POLD1: variants seen among roughly 807,000 people sequenced by gnomAD.
POLD1 encodes the protein DNA polymerase delta catalytic subunit.
POLD1 carries 79 observed loss-of-function variants against 129.7 expected under a neutral mutation model. That is an observed-to-expected ratio of 0.61 (90% CI 0.51 to 0.73). POLD1 has a LOEUF of 0.73. Ranked by LOEUF, POLD1 falls within the 30% of genes least tolerant of loss-of-function variation. The probability of loss-of-function intolerance (pLI) is 0.00; values close to 1 mark genes in which losing one functional copy is unlikely to be tolerated. For missense variants in POLD1, 1,338 were observed against 1,595.8 expected (o/e 0.84, Z 2.75); for synonymous variants, 714 against 683.3 (o/e 1.04, Z -0.70).
intron 1 of POLD1, chr19:50,395,043 A>G (rs1374759767): frequency 2.8e-5 from 4 of 145,314 alleles, no homozygotes; most frequent in Admixed American, 1.4e-4. Context: ...GGGTTTCACC[A>G]TGTTGATAAG....
chr19:50,401,801 G>A lies in POLD1; in HGVS notation c.340G>A (p.Gly114Arg). Residue 114 changes from glycine to arginine, a missense_variant, in exon 4 of 27, where the codon GGG becomes AGG. Gly to Arg is a moderately radical substitution (Grantham distance 125). Transcript: ENST00000440232. ...YVGPAQPVPG[G>R]PPPSRGSVPV... Reference sequence around the variant, plus strand: ...AGGCCCAGCGCAGCCTGTGCCTGGGGGGCCCCCACCATCCCGCGGCTCCGT... The same window carrying A: ...AGGCCCAGCGCAGCCTGTGCCTGGGAGGCCCCCACCATCCCGCGGCTCCGT... 6.2e-7 allele frequency: 1 copy of A among 1,613,140 alleles called. No individual in the cohort carries two copies. Among genetic ancestry groups the A allele is most frequent in the Non-Finnish European group, 8.5e-7 (1 of 1,179,866 alleles).
intron 1 of POLD1, among the ~76,000 whole-genome samples, chr19:50,390,484 T>C (rs1470111987): frequency 1.3e-5 from 2 of 152,158 alleles, no homozygotes; most frequent in Non-Finnish European, 2.9e-5. Flanking sequence ...TAGGAGGGAC[T>C]GGAACAGAGC....
intron 19 of POLD1, 36 bp from the exon 20 acceptor site, chr19:50,414,779 C>T: frequency 6.8e-7 from 1 of 1,465,098 alleles, no homozygotes; most frequent in Non-Finnish European, 9.1e-7. Flanking sequence ...GCTTGGCCTC[C>T]TCAGGCTCAG....
At position 50,417,108 on chromosome 19, in the gene POLD1, C is replaced by T. The variant is rs369535710; in HGVS notation, c.3120+11C>T. 56 of 1,563,416 alleles carry T rather than the reference C, an allele frequency of 3.6e-5. No homozygotes were observed. The highest frequency in any genetic ancestry group is 2.0e-4 in the African/African-American group (15 of 73,704). ...CTGTATCAGAAGGAGGTGAGAGGGC[C>T]GGGAGGTGAGGAGGGGCCAGGTGGG... On this transcript the variant is annotated intron_variant, in intron 25 of 26. Transcript: ENST00000440232.
chr19:50,417,757 A>G (rs1042479465), intron 26 of POLD1, 85 bp from the exon 27 acceptor site: 94 of 675,254 alleles, frequency 1.4e-4, no homozygotes, highest in South Asian at 1.3e-3. Context: ...CGGGGACCAA[A>G]GTCCTGGGAA....
chr19:50,398,485 G>A (rs975523038), intron 1 of POLD1, among the ~76,000 whole-genome samples: 5 of 142,474 alleles, frequency 3.5e-5, no homozygotes, highest in African/African-American at 1.3e-4. Flanking sequence ...GGGGAGAATC[G>A]CTTGAACCTG....
At chr19:50,398,512 G>A (rs1416264887) in intron 1 of POLD1, among the ~76,000 whole-genome samples, 1 of 141,992 alleles carries the variant, frequency 7.0e-6, no homozygotes, top group African/African-American at 2.6e-5. Context: ...AGAGCTTGCA[G>A]TGAGCCGAGA....
rs937620930 is a variant in POLD1, at chr19:50,409,303, A to G, written c.2006+68A>G. The G allele has an allele frequency of 2.4e-5, 31 of 1,275,020 alleles. No homozygotes were observed. Among genetic ancestry groups the G allele is most frequent in the Non-Finnish European group, 3.2e-5 (28 of 879,782 alleles). The allele number at this position is 1,275,020 out of a possible 1,614,324, so 79.0% of individuals were successfully genotyped here. ...GGCCTCTGGGCAATCCCTGTCCCTC[A>G]CTGGGACACCCCAGGGCTGCCCAGC... On this transcript the variant is annotated intron_variant, in intron 16 of 26. Coordinates refer to ENST00000440232, the MANE Select transcript of POLD1 (RefSeq NM_002691.4). The surrounding 1 kb of genome is among the most constrained non-coding windows in gnomAD (Gnocchi z 5.8).
Position 50,417,162 on chromosome 19 carries a change from C to T in POLD1, c.3121-10C>T, listed in dbSNP as rs1555793629. ...GCGGGGGCGCCCTGCTCAGCCGCTG[C>T]CGTCCCCAGGTATCCCATCTGAATG... On this transcript the variant is annotated splice_polypyrimidine_tract_variant and intron_variant, in intron 25 of 26. Coordinates refer to ENST00000440232, the MANE Select transcript of POLD1 (RefSeq NM_002691.4). 1.3e-6 allele frequency: 2 copies of T among 1,592,986 alleles called. No individual in the cohort carries two copies. The highest frequency in any genetic ancestry group is 1.7e-6 in the Non-Finnish European group (2 of 1,170,186).
At chr19:50,391,696 G>A (rs183559656) in intron 1 of POLD1, among the ~76,000 whole-genome samples, 2,812 of 144,266 alleles carry the variant, frequency 0.019, 123 homozygotes, top group African/African-American at 0.075. Flanking sequence ...GAGGGGGGAG[G>A]GGGAGGGGGA....
At position 50,415,105 on chromosome 19, in the gene POLD1, C is replaced by A. The variant is rs1234801297; in HGVS notation, c.2564+115C>A. On this transcript the variant is annotated intron_variant, in intron 20 of 26. Transcript: ENST00000440232. ...CCCTCAGACCCACGGGTCCAGGCCCCCAGCCCCCTCCTCCTCAGATCCCGG... is the reference window on the plus strand; with the variant it reads ...CCCTCAGACCCACGGGTCCAGGCCCACAGCCCCCTCCTCCTCAGATCCCGG... The A allele has an allele frequency of 5.1e-6, 5 of 982,132 alleles. No homozygotes were observed. The African/African-American group carries it at 8.3e-5, about 16-fold the overall frequency. The allele number at this position is 982,132 out of a possible 1,614,324, so 60.8% of individuals were successfully genotyped here.
chr19:50,389,835 C>T (rs186152541), intron 1 of POLD1, among the ~76,000 whole-genome samples: 437 of 151,900 alleles, frequency 2.9e-3, no homozygotes, highest in African/African-American at 1.0e-2. Context: ...ATCCGCCCGC[C>T]TTGGGCTCCC....
rs752444746 is a variant in POLD1, at chr19:50,406,230, A to G, written c.1291A>G (p.Ile431Val). The change falls in exon 11 of 27, where the codon ATC (isoleucine) becomes GTC (valine). Residue 431 changes from isoleucine (I) to valine (V), a missense_variant. Ile to Val is a conservative substitution (Grantham distance 29). Transcript: ENST00000440232. This position sits in a 1 kb window ranked among gnomAD's most constrained non-coding sequence, Gnocchi z 5.5. Reference sequence around the variant, plus strand: ...CCGTGTGGCCGGCCTTTGCTCCAACATCCGGGACTCTTCATTCCAGTCCAA... The same window carrying G: ...CCGTGTGGCCGGCCTTTGCTCCAACGTCCGGGACTCTTCATTCCAGTCCAA... ...LGRVAGLCSN[I>V]RDSSFQSKQT... The G allele has an allele frequency of 1.1e-5, 17 of 1,613,726 alleles. No individual in the cohort carries two copies. The Admixed American group carries it at 2.8e-4, about 27-fold the overall frequency.
At chr19:50,403,030 C>G (rs2122267015) in intron 8 of POLD1, 23 bp from the exon 9 acceptor site, 1 of 1,551,584 alleles carries the variant, frequency 6.4e-7, no homozygotes, top group Non-Finnish European at 8.7e-7. Flanking sequence ...GGAGTCAGGC[C>G]CCTGCATCCT....
At chr19:50,394,388 A>C (rs939045069) in intron 1 of POLD1, among the ~76,000 whole-genome samples, 1 of 152,138 alleles carries the variant, frequency 6.6e-6, no homozygotes, top group Non-Finnish European at 1.5e-5. Context: ...GCGGTGGCTC[A>C]CACCCATAAT....
At position 50,398,934 on chromosome 19, in the gene POLD1, C is replaced by G. The variant is rs765097158; in HGVS notation, c.83C>G (p.Ala28Gly). The G allele has an allele frequency of 6.3e-7, 1 of 1,594,382 alleles. No homozygotes were observed. The highest frequency in any genetic ancestry group is 8.5e-7 in the Non-Finnish European group (1 of 1,171,702). ...ARGGLWDDDDAPRPSQFEEDL... is the reference protein window; with the variant it reads ...ARGGLWDDDDGPRPSQFEEDL... The stretch of plus-strand genomic sequence containing the variant: ...GGGGGCCTCTGGGATGATGATGATG[C>G]ACCTCGGCCATCCCAATTCGAGGAG... Residue 28 changes from alanine to glycine, a missense_variant, in exon 2 of 27, where the codon GCA (alanine) becomes GGA (glycine). Around this residue, in one of 3 missense-constraint regions of POLD1, gnomAD observed 332 missense variants for 315.7 expected, o/e 1.05. Transcript: ENST00000440232.
chr19:50,413,784 G>T lies in POLD1; in HGVS notation c.2293G>T (p.Val765Leu). 2 of 1,611,860 alleles carry T rather than the reference G, an allele frequency of 1.2e-6. No individual in the cohort carries two copies. Among genetic ancestry groups the T allele is most frequent in the Non-Finnish European group, 8.5e-7 (1 of 1,179,604 alleles). ...TGACTCCGTCATGTGCCGATTCGGCGTGTCCTCGGTGGCTGAGGCGATGGC... is the reference window on the plus strand; with the variant it reads ...TGACTCCGTCATGTGCCGATTCGGCTTGTCCTCGGTGGCTGAGGCGATGGC... Reference protein sequence around the residue: ...DTDSVMCRFGVSSVAEAMALG... With the variant: ...DTDSVMCRFGLSSVAEAMALG... The change falls in exon 19 of 27, where the codon GTG becomes TTG. Residue 765 changes from valine (V) to leucine (L), a missense_variant. Val to Leu is a conservative substitution (Grantham distance 32). Around this residue, in one of 3 missense-constraint regions of POLD1, gnomAD observed 720 missense variants for 1,002.6 expected, o/e 0.72. Transcript: ENST00000440232.
rs2122312622 is a variant in POLD1 at position 50,406,094 on chromosome 19, G to A, written c.1243-88G>A. On this transcript the variant is annotated intron_variant, in intron 10 of 26. Transcript: ENST00000440232. This position sits in a 1 kb window ranked among gnomAD's most constrained non-coding sequence, Gnocchi z 5.5. The stretch of plus-strand genomic sequence containing the variant: ...TCTCGACCCCCTAGGGTTGTTATAA[G>A]GATGTTGTGGTTGGTCTCAATCTCC... 1 of 1,500,654 alleles carries A rather than the reference G, an allele frequency of 6.7e-7. No homozygotes were observed. The highest frequency in any genetic ancestry group is 1.2e-5 in the South Asian group (1 of 81,264). The allele number at this position is 1,500,654 out of a possible 1,614,324, so 93.0% of individuals were successfully genotyped here.
rs147798238 is a variant in POLD1 at position 50,405,466 on chromosome 19, C to T, written c.1243-716C>T. 9.4e-3 allele frequency among the ~76,000 whole-genome samples: 1,427 copies of T among 152,252 alleles called. 15 individuals are homozygous for T. The highest frequency in any genetic ancestry group is 0.032 in the African/African-American group (1,327 of 41,530). ...AAAACAGGCTGGGTGTGGTGGCTCA[C>T]GCCTCTAATCCCAGCACTTTGGGAG... is the stretch of plus-strand genomic sequence containing the variant. On this transcript the variant is annotated intron_variant, in intron 10 of 26. Coordinates refer to ENST00000440232, the MANE Select transcript of POLD1 (RefSeq NM_002691.4).
Sources: allele counts gnomAD v4.1 joint callset (sites outside exome capture counted in the v4.1 genomes callset), GRCh38; gene constraint gnomAD v4.1.1; regional missense constraint gnomAD v4.1.1; non-coding constraint Gnocchi (gnomAD v3.1); transcripts MANE v1.5; gene names NCBI Gene and HGNC (gene_info 2026-07-23, HGNC 2026-07-21).